SULT2A1: variants seen among roughly 807,000 people sequenced by gnomAD.
The protein encoded by SULT2A1 is sulfotransferase family 2A member 1.
A neutral mutation model predicts 33.9 loss-of-function variants in SULT2A1; 43 were observed. The observed-to-expected ratio is 1.27, with a 90% CI of 1.00 to 1.64. The LOEUF (loss-of-function observed/expected upper bound fraction) is 1.64. SULT2A1 is among the 40% of genes most tolerant of loss of function. SULT2A1 has a pLI of 0.00. For synonymous variants in SULT2A1, 125 were observed against 113.6 expected (o/e 1.10, Z -0.64); for missense variants, 300 against 335.1 (o/e 0.90, Z 0.82).
In SULT2A1 at chr19:47,880,253, A is replaced by AAC. The variant is rs952841531; in HGVS notation, c.473-1124_473-1123insGT. 3.8e-4 allele frequency among the ~76,000 whole-genome samples: 57 copies of AAC among 150,818 alleles called. 2 individuals are homozygous for AAC. Among genetic ancestry groups the AAC allele is most frequent in the Admixed American group, 1.1e-3 (17 of 15,082 alleles). On this transcript the variant is annotated intron_variant, in intron 3 of 5. Coordinates refer to ENST00000222002, the MANE Select transcript of SULT2A1 (RefSeq NM_003167.4). Reference sequence around the variant, plus strand: ...CTCTGTCTCAAAAAAAAAAAAAAAAAAAAAACCTGAAGCTGTAATAAATAA... The same window carrying AAC: ...CTCTGTCTCAAAAAAAAAAAAAAAAAACAAAAACCTGAAGCTGTAATAAATAA...
chr19:47,880,706 C>T (rs942885261), intron 3 of SULT2A1, among the ~76,000 whole-genome samples: 1 of 151,944 alleles, frequency 6.6e-6, no homozygotes, highest in Non-Finnish European at 1.5e-5. Flanking sequence ...CCTGCCTTAG[C>T]CTTCCAAGTA....
chr19:47,882,258 A>C, intron 2 of SULT2A1, 48 bp from the exon 3 acceptor site: 1 of 1,578,824 alleles, frequency 6.3e-7, no homozygotes, highest in Non-Finnish European at 8.6e-7. Flanking sequence ...GTCAATCCTC[A>C]CTCTTTTTGA....
intron 1 of SULT2A1, among the ~76,000 whole-genome samples, chr19:47,884,475 G>A (rs977654790): frequency 1.4e-5 from 1 of 70,680 alleles, no homozygotes; most frequent in Non-Finnish European, 2.6e-5. Flanking sequence ...ACTGCGCCTG[G>A]CTTTTTTTTT....
chr19:47,882,299 C>G, intron 2 of SULT2A1, 89 bp from the exon 3 acceptor site: 4 of 1,461,268 alleles, frequency 2.7e-6, no homozygotes, highest in Non-Finnish European at 3.7e-6. Context: ...AAGCCAATTC[C>G]TGGATAATGC....
chr19:47,881,331 C>T (rs544687638), intron 3 of SULT2A1, among the ~76,000 whole-genome samples: 118 of 152,166 alleles, frequency 7.8e-4, no homozygotes, highest in African/African-American at 2.6e-3. Context: ...CCACCATGGC[C>T]GGCTAATTTT....
At chr19:47,879,194 T>A in intron 3 of SULT2A1, 64 bp from the exon 4 acceptor site, 1 of 945,788 alleles carries the variant, frequency 1.1e-6, no homozygotes, top group Non-Finnish European at 1.7e-6. Context: ...TCCAGTCTAT[T>A]ATGTTCATCC....
In SULT2A1 at chr19:47,874,682, C is replaced by T. The variant is rs758621187; in HGVS notation, c.720G>A (p.Val240=). ...NYSLLSVDYV[V]DKAQLLRKGV... is the part of the protein sequence containing the mutation. ...CTTTTCTCAGAAGTTGTGCTTTGTC[C>T]ACTACATAATCAACACTCAGGAGGG... is the stretch of plus-strand genomic sequence containing the variant. Residue 240 remains valine, a synonymous_variant, in exon 5 of 6, where the codon GTG becomes GTA. Transcript: ENST00000222002. 2.5e-6 allele frequency: 4 copies of T among 1,613,632 alleles called. No individual in the cohort carries two copies. In the Admixed American group the frequency reaches 6.7e-5, roughly 27 times the overall value.
chr19:47,886,031 C>A, intron 1 of SULT2A1, 91 bp downstream of exon 1: 1 of 1,476,288 alleles, frequency 6.8e-7, no homozygotes, highest in African/African-American at 1.4e-5. Flanking sequence ...GCATTGTACA[C>A]TGTCTGACAT....
intron 4 of SULT2A1, among the ~76,000 whole-genome samples, chr19:47,875,428 G>A (rs377265870): frequency 2.6e-5 from 4 of 152,016 alleles, no homozygotes; most frequent in East Asian, 3.9e-4. Context: ...ACTTGAGTCC[G>A]GGAGTTTTAG....
chr19:47,875,618 T>C (rs1375648091), intron 4 of SULT2A1, among the ~76,000 whole-genome samples: 2 of 151,570 alleles, frequency 1.3e-5, no homozygotes, highest in Non-Finnish European at 2.9e-5. Flanking sequence ...AGCCTGGGCG[T>C]TGGAGTGAGA....
At chr19:47,885,864 CCAAA>C (rs1216100160) in intron 1 of SULT2A1, among the ~76,000 whole-genome samples, 2 of 152,184 alleles carry the variant, frequency 1.3e-5, no homozygotes, top group Non-Finnish European at 2.9e-5. Context: ...CCCACTGCCA[CCAAA>C]CAAACACCTG....
chr19:47,878,107 C>T (rs1349133109), intron 4 of SULT2A1, among the ~76,000 whole-genome samples: 3 of 152,192 alleles, frequency 2.0e-5, no homozygotes, highest in Admixed American at 6.6e-5. Context: ...AGGTCTCACC[C>T]AGAGAAATGT....
chr19:47,873,646 C>T (rs1185080893), intron 5 of SULT2A1, among the ~76,000 whole-genome samples: 6 of 74,722 alleles, frequency 8.0e-5, no homozygotes, highest in East Asian at 9.5e-4. Context: ...TTTTTTGAGA[C>T]GGAGTCTTGC....
chr19:47,879,964 C>T (rs1277780223), intron 3 of SULT2A1, among the ~76,000 whole-genome samples: 3 of 151,656 alleles, frequency 2.0e-5, no homozygotes, highest in Admixed American at 6.6e-5. Flanking sequence ...AGGCCAGGTA[C>T]GGTGGCTCAC....
In SULT2A1 at chr19:47,871,506, C is replaced by A. The variant is rs751509523; in HGVS notation, c.807G>T (p.Leu269Phe). ...GAAGATCTGCCATCTTCTCTTGGAA[C>A]AATTTATCAAAGTCTTCAGCTTGGG... is the stretch of plus-strand genomic sequence containing the variant. ...TVAQAEDFDK[L>F]FQEKMADLPR... Residue 269 changes from leucine to phenylalanine, a missense_variant, in exon 6 of 6, where the codon TTG (leucine) becomes TTT (phenylalanine). Transcript: ENST00000222002. 1.2e-6 allele frequency: 2 copies of A among 1,613,972 alleles called. No homozygotes were observed. Among genetic ancestry groups the A allele is most frequent in the East Asian group, 4.5e-5 (2 of 44,884 alleles).
intron 4 of SULT2A1, among the ~76,000 whole-genome samples, chr19:47,878,505 ATTTTTT>A (rs34027366): frequency 1.2e-4 from 13 of 111,950 alleles, no homozygotes; most frequent in Non-Finnish European, 1.2e-4. Context: ...ACCTCTCTAG[ATTTTTT>A]TTTTTTTTTT....
chr19:47,874,541 G>GGAA (rs572880612), intron 5 of SULT2A1, 116 bp downstream of exon 5: 12 of 345,220 alleles, frequency 3.5e-5, no homozygotes, highest in African/African-American at 1.6e-4. Context: ...CTTCATCTCG[G>GGAA]AAAAAAAAAA....
In SULT2A1 at chr19:47,886,112, G is replaced by T; in HGVS notation, c.136+10C>A. ...ACAGCCTTTCTCAGTTCACGATTCT[G>T]CCTCCTTACCTGATTTGGGGTAAGT... is the stretch of plus-strand genomic sequence containing the variant. On this transcript the variant is annotated intron_variant, in intron 1 of 5. Coordinates refer to ENST00000222002, the MANE Select transcript of SULT2A1 (RefSeq NM_003167.4). The T allele has an allele frequency of 1.9e-6, 3 of 1,612,844 alleles. No homozygotes were observed. The highest frequency in any genetic ancestry group is 2.2e-5 in the South Asian group (2 of 90,894).
chr19:47,877,555 T>C (rs1004861798), intron 4 of SULT2A1, among the ~76,000 whole-genome samples: 46 of 148,688 alleles, frequency 3.1e-4, no homozygotes, highest in Non-Finnish European at 5.4e-4. Flanking sequence ...TTTCTTTCTT[T>C]TTTTTTTTTT....
Sources: gnomAD v4.1 joint callset for allele counts (sites outside exome capture counted in the v4.1 genomes callset) on GRCh38, gnomAD v4.1.1 for gene constraint, MANE v1.5 for transcripts, NCBI Gene and HGNC (gene_info 2026-07-23, HGNC 2026-07-21) for gene names.